The following DSE variants were observed in gnomAD, a reference collection of about 807,000 sequenced individuals.
DSE encodes the protein dermatan-sulfate epimerase.
DSE carries 36 observed loss-of-function variants against 84.4 expected under a neutral mutation model. The ratio of observed to expected loss-of-function variants is 0.43; its 90% CI spans 0.33 to 0.56. The LOEUF (loss-of-function observed/expected upper bound fraction) is 0.56, where lower values mean the gene tolerates loss of function less well. DSE is among the 20% of genes least tolerant of loss of function. DSE has a pLI of 0.06. For missense variants in DSE, 862 were observed against 1,169.6 expected (o/e 0.74, Z 3.84); for synonymous variants, 410 against 430.1 (o/e 0.95, Z 0.58).
At chr6:116,422,129 A>G (rs1783131894) in intron 2 of DSE, among the ~76,000 whole-genome samples, 1 of 152,202 alleles carries the variant, frequency 6.6e-6, no homozygotes, top group African/African-American at 2.4e-5. Context: ...GTTTTATAAC[A>G]TCATGCCTTT....
intron 1 of DSE, among the ~76,000 whole-genome samples, chr6:116,373,631 A>G (rs764738815): frequency 2.0e-5 from 3 of 152,194 alleles, no homozygotes; most frequent in East Asian, 3.8e-4. Context: ...ATGAGATTTT[A>G]TGGGCTGTCC....
At chr6:116,333,793 CTTTAAA>C (rs1335172187) in intron 2 of DSE, among the ~76,000 whole-genome samples, 2 of 152,152 alleles carry the variant, frequency 1.3e-5, no homozygotes, top group Non-Finnish European at 2.9e-5. Flanking sequence ...ATAAATTTCT[CTTTAAA>C]TTTAAAAATA....
At chr6:116,413,636 G>GT (rs915115025) in intron 2 of DSE, among the ~76,000 whole-genome samples, 4 of 152,148 alleles carry the variant, frequency 2.6e-5, no homozygotes, top group Admixed American at 2.0e-4. Context: ...TTCATTCACT[G>GT]TTTTAAAAAG....
At chr6:116,329,262 G>A (rs900944329) in intron 2 of DSE, among the ~76,000 whole-genome samples, 1 of 152,108 alleles carries the variant, frequency 6.6e-6, no homozygotes, top group African/African-American at 2.4e-5. Context: ...TAATCACTCT[G>A]CTGTAATTGT....
Position 116,258,465 on chromosome 6 carries a change from C to G in DSE, c.-556C>G, listed in dbSNP as rs761995669. On this transcript the variant is annotated 5_prime_UTR_variant, in exon 2 of 4. Coordinates refer to the DSE transcript ENST00000430252. ...TGGTAGGGCTGCCCTGAAGGGCAGA[C>G]AGGTTTATTGGGCAACAGCTGGGAA... 4 of 923,294 alleles carry G rather than the reference C, an allele frequency of 4.3e-6. No individual in the cohort carries two copies. In the African/African-American group the frequency reaches 6.5e-5, roughly 15 times the overall value. The allele number at this position is 923,294 out of a possible 1,614,324, so 57.2% of individuals were successfully genotyped here.
upstream of DSE, among the ~76,000 whole-genome samples, chr6:116,369,180 G>C (rs1485262076): frequency 6.6e-6 from 1 of 152,176 alleles, no homozygotes; most frequent in African/African-American, 2.4e-5. Context: ...TTGCGTGGGG[G>C]TCCCCATTGG....
At chr6:116,277,983 G>A (rs1308589259) in intron 2 of DSE, 1 of 153,278 alleles carries the variant, frequency 6.5e-6, no homozygotes, top group African/African-American at 2.4e-5. Context: ...TGTAGGGCAG[G>A]TAGCAATAGA....
intron 1 of DSE, among the ~76,000 whole-genome samples, chr6:116,258,170 C>T (rs1772223316): frequency 6.6e-6 from 1 of 151,982 alleles, no homozygotes; most frequent in Non-Finnish European, 1.5e-5. Flanking sequence ...CACCTGCCAC[C>T]ATGCCCGGCT....
At chr6:116,365,880 T>A (rs1296911518), upstream of DSE, among the ~76,000 whole-genome samples, 1 of 152,252 alleles carries the variant, frequency 6.6e-6, no homozygotes, top group Non-Finnish European at 1.5e-5. Context: ...AAAACTGGCA[T>A]GACCTCAACT....
chr6:116,373,270 G>A (rs1267025526), intron 1 of DSE, among the ~76,000 whole-genome samples: 2 of 152,206 alleles, frequency 1.3e-5, no homozygotes, highest in African/African-American at 4.8e-5. Flanking sequence ...GGCTGCGGCA[G>A]AAGAATCTTT....
chr6:116,431,912 C>T (rs1325773884), intron 4 of DSE, among the ~76,000 whole-genome samples: 1 of 152,054 alleles, frequency 6.6e-6, no homozygotes, highest in Non-Finnish European at 1.5e-5. Context: ...GATAGATTCC[C>T]CCCCTTCCCC....
intron 2 of DSE, among the ~76,000 whole-genome samples, chr6:116,308,180 C>G (rs1204758901): frequency 6.6e-6 from 1 of 152,150 alleles, no homozygotes; most frequent in Non-Finnish European, 1.5e-5. Flanking sequence ...ATTAGACAAC[C>G]TGGTTGCTTC....
At chr6:116,339,805 GGAACAGAA>G (rs1320475870) in intron 2 of DSE, among the ~76,000 whole-genome samples, 1 of 152,158 alleles carries the variant, frequency 6.6e-6, no homozygotes, top group African/African-American at 2.4e-5. Flanking sequence ...ATAGAAATAT[GGAACAGAA>G]GAAGAATCTC....
intron 2 of DSE, among the ~76,000 whole-genome samples, chr6:116,416,202 C>T (rs1782696520): frequency 6.6e-6 from 1 of 152,156 alleles, no homozygotes; most frequent in African/African-American, 2.4e-5. Flanking sequence ...TAGATTGGGA[C>T]CACCTGGGTA....
intron 2 of DSE, among the ~76,000 whole-genome samples, chr6:116,425,883 A>G (rs1012554280): frequency 2.0e-5 from 3 of 151,768 alleles, no homozygotes; most frequent in Admixed American, 2.0e-4. Flanking sequence ...CGGCCTCCCA[A>G]AGTGGACAAT....
intron 2 of DSE, among the ~76,000 whole-genome samples, chr6:116,336,530 C>A (rs1235674223): frequency 1.3e-5 from 2 of 152,002 alleles, no homozygotes; most frequent in Non-Finnish European, 2.9e-5. Flanking sequence ...CCGAGGCAGG[C>A]GGATCAGCCA....
At chr6:116,369,984 C>T (rs1674889237), upstream of DSE, 2 of 1,281,776 alleles carry the variant, frequency 1.6e-6, no homozygotes, top group African/African-American at 3.0e-5. Context: ...AGGTTACTTG[C>T]ACACACTGGG....
At chr6:116,279,365 TCAC>T (rs1773342597) in intron 2 of DSE, 2 of 1,612,050 alleles carry the variant, frequency 1.2e-6, no homozygotes, top group African/African-American at 1.3e-5. Context: ...TTTCCTGTCT[TCAC>T]CTCCTCCGCC....
chr6:116,436,550 C>T lies in DSE; in HGVS notation c.2082C>T (p.Tyr694=), dbSNP rs776273558. ...DVFIATSKHA[Y]ATYLWTGEAT... ...TCATAGCCACCAGCAAACATGCCTA[C>T]GCCACATACCTGTGGACAGGTGAGG... The change falls in exon 6 of 6, where the codon TAC becomes TAT. Residue 694 remains tyrosine (Y), a synonymous_variant. Transcript: ENST00000644252. 31 of 1,614,042 alleles carry T rather than the reference C, an allele frequency of 1.9e-5. No individual in the cohort carries two copies. The highest frequency in any genetic ancestry group is 1.1e-4 in the African/African-American group (8 of 74,918).
Sources: gnomAD v4.1 joint callset for allele counts (sites outside exome capture counted in the v4.1 genomes callset) on GRCh38, gnomAD v4.1.1 for gene constraint, MANE v1.5 for transcripts, NCBI Gene and HGNC (gene_info 2026-07-23, HGNC 2026-07-21) for gene names.